Variants in SYTL2 observed in about 807,000 individuals in gnomAD.
The protein encoded by SYTL2 is synaptotagmin like 2.
A neutral mutation model predicts 198.7 loss-of-function variants in SYTL2; 165 were observed. The observed-to-expected ratio is 0.83, with a 90% CI of 0.73 to 0.94. The LOEUF (loss-of-function observed/expected upper bound fraction) is 0.94. Among genes scored for constraint, SYTL2 ranks in the 40% least tolerant of loss-of-function variants. The pLI, the probability that SYTL2 is intolerant of heterozygous loss-of-function variation, is 0.00. For synonymous variants in SYTL2, 966 were observed against 917.7 expected (o/e 1.05, Z -0.95); for missense variants, 2,835 against 2,582.8 (o/e 1.10, Z -2.12).
chr11:85,734,515 C>G lies in SYTL2; in HGVS notation c.814G>C (p.Gly272Arg), dbSNP rs1452117759. 1 of 1,614,202 alleles carries G rather than the reference C, an allele frequency of 6.2e-7. No individual in the cohort carries two copies. The highest frequency in any genetic ancestry group is 1.7e-5 in the Admixed American group (1 of 60,024). The change falls in exon 7 of 20, where the codon GGG becomes CGG. Residue 272 changes from glycine to arginine, a missense_variant. Physicochemically the swap from Gly to Arg is moderately radical, Grantham distance 125. This residue lies in a region of SYTL2 where 2,645 missense variants were observed against 2,381.7 expected (regional missense o/e 1.11). Coordinates refer to ENST00000359152, the MANE Select transcript of SYTL2 (RefSeq NM_206927.4). Reference protein sequence around the residue: ...DSLKARGAPRGILKRNSSSSS... With the variant: ...DSLKARGAPRRILKRNSSSSS... ...GAACTGGAGTTGCGCTTGAGGATCC[C>G]TCTCGGAGCCCCTCTCGCTTTCAGG...
At chr11:85,770,345 A>G (rs1205545667) in intron 1 of SYTL2, among the ~76,000 whole-genome samples, 1 of 152,132 alleles carries the variant, frequency 6.6e-6, no homozygotes, top group East Asian at 1.9e-4. Context: ...CCACTCATGT[A>G]GGCGGATGTA....
intron 18 of SYTL2, among the ~76,000 whole-genome samples, chr11:85,697,390 T>C (rs140373871): frequency 4.1e-4 from 63 of 152,286 alleles, no homozygotes; most frequent in African/African-American, 1.4e-3. Context: ...TCTGGTAGAC[T>C]ATATATAAAT....
Position 85,724,366 on chromosome 11 carries a change from G to C in SYTL2, c.4992C>G (p.Thr1664=), listed in dbSNP as rs1166191693. The change falls in exon 8 of 20, where the codon ACC becomes ACG. Residue 1664 remains threonine (T), a synonymous_variant. Coordinates refer to ENST00000359152, the MANE Select transcript of SYTL2 (RefSeq NM_206927.4). The part of the protein sequence containing the change: ...GSRSGVEIPR[T]PQLYVAHEIG... ...TTTCATGAGCCACATAAAGTTGTGG[G>C]GTTCTAGGGATCTCAACTCCACTTC... 3 of 1,586,224 alleles carry C rather than the reference G, an allele frequency of 1.9e-6. No individual in the cohort carries two copies. Among genetic ancestry groups the C allele is most frequent in the Non-Finnish European group, 2.6e-6 (3 of 1,169,138 alleles).
chr11:85,766,203 A>T (rs970489747), intron 1 of SYTL2, among the ~76,000 whole-genome samples: 3 of 152,198 alleles, frequency 2.0e-5, no homozygotes, highest in African/African-American at 7.2e-5. Context: ...AGAGGCCTAA[A>T]GTGTCAAGGG....
chr11:85,819,876 G>C, the SYTL2 span, among the ~76,000 whole-genome samples: 7 of 152,004 alleles, frequency 4.6e-5, no homozygotes. Flanking sequence ...TTATATTTTG[G>C]TGTTCACTCT....
the SYTL2 span, among the ~76,000 whole-genome samples, chr11:85,851,144 T>C: frequency 2.0e-5 from 3 of 151,852 alleles, no homozygotes; most frequent in Non-Finnish European, 4.4e-5. Context: ...ACCTGCACCA[T>C]GTGCACATGT....
chr11:85,849,017 T>C, the SYTL2 span, among the ~76,000 whole-genome samples: 45 of 152,106 alleles, frequency 3.0e-4, no homozygotes, highest in African/African-American at 9.9e-4. Flanking sequence ...AGTGAAAAAA[T>C]ATGACCCTTA....
rs189453034 is a variant in SYTL2 at position 85,790,031 on chromosome 11, T to C, written c.-390+20923A>G. On this transcript the variant is annotated intron_variant, in intron 1 of 19. Transcript: ENST00000359152. Reference sequence around the variant, plus strand: ...AATATTTGCATATATATAAGATATCTTGGGGATGAGACCCAAGACTAAACC... The same window carrying C: ...AATATTTGCATATATATAAGATATCCTGGGGATGAGACCCAAGACTAAACC... Among the ~76,000 whole-genome samples the C allele has an allele frequency of 1.4e-4, 21 of 152,292 alleles. No individual in the cohort carries two copies. In the East Asian group the frequency reaches 2.1e-3, roughly 15 times the overall value.
At chr11:85,759,359 T>A (rs781764003) in intron 1 of SYTL2, among the ~76,000 whole-genome samples, 49 of 152,138 alleles carry the variant, frequency 3.2e-4, no homozygotes, top group Non-Finnish European at 6.3e-4. Flanking sequence ...AAAAACAGAA[T>A]TACTGGGAAG....
intron 1 of SYTL2, among the ~76,000 whole-genome samples, chr11:85,769,910 T>C (rs1309648089): frequency 6.6e-6 from 1 of 152,148 alleles, no homozygotes; most frequent in Non-Finnish European, 1.5e-5. Context: ...GCAGTTTATG[T>C]AGCATTTTCA....
intron 10 of SYTL2, 89 bp from the exon 11 acceptor site, chr11:85,717,619 A>C: frequency 9.4e-7 from 1 of 1,067,228 alleles, no homozygotes; most frequent in Non-Finnish European, 1.5e-6. Context: ...TCAGTTTCAC[A>C]ACTGAGACAG....
At position 85,696,336 on chromosome 11, in the gene SYTL2, C is replaced by T. The variant is rs748732825; in HGVS notation, c.6421G>A (p.Gly2141Arg). 1 of 1,614,010 alleles carries T rather than the reference C, an allele frequency of 6.2e-7. No individual in the cohort carries two copies. The highest frequency in any genetic ancestry group is 8.5e-7 in the Non-Finnish European group (1 of 1,179,900). The stretch of plus-strand genomic sequence containing the variant: ...TTGAAGATAGGGTTGGTGGTTTTCC[C>T]TACAGCTCTTGTCTTCTGGCGACTT... ...RKSRQKTRAV[G>R]KTTNPIFNHT... The change falls in exon 19 of 20, where the codon GGG becomes AGG. Residue 2141 changes from glycine to arginine, a missense_variant. Physicochemically the swap from Gly to Arg is moderately radical, Grantham distance 125 (BLOSUM62 -2). This residue lies in a region of SYTL2 where 185 missense variants were observed against 182.1 expected (regional missense o/e 1.02). Transcript: ENST00000359152.
intron 15 of SYTL2, among the ~76,000 whole-genome samples, chr11:85,706,966 A>C (rs967294378): frequency 1.1e-4 from 16 of 152,016 alleles, no homozygotes; most frequent in Non-Finnish European, 1.9e-4. Context: ...TCAGCTTCCC[A>C]AGTAGCTGGG....
At position 85,727,029 on chromosome 11, in the gene SYTL2, C is replaced by A; in HGVS notation, c.2329G>T (p.Gly777Cys). Residue 777 changes from glycine (G) to cysteine (C), a missense_variant, in exon 8 of 20, where the codon GGT becomes TGT. Gly to Cys is a radical substitution (Grantham distance 159, BLOSUM62 -3). Around this residue, in one of 3 missense-constraint regions of SYTL2, gnomAD observed 2,645 missense variants for 2,381.7 expected, o/e 1.11. Transcript: ENST00000359152. ...TGCACTTGGTTCTTGGGAACCTCACCAGCTTCTTGCTGGAATTGGACCTCA... is the reference window on the plus strand; with the variant it reads ...TGCACTTGGTTCTTGGGAACCTCACAAGCTTCTTGCTGGAATTGGACCTCA... ...KPEVQFQQEAGEVPKNQVQRE... is the reference protein window; with the variant it reads ...KPEVQFQQEACEVPKNQVQRE... 6.5e-7 allele frequency: 1 copy of A among 1,536,446 alleles called. No individual in the cohort carries two copies. The highest frequency in any genetic ancestry group is 8.7e-7 in the Non-Finnish European group (1 of 1,146,962).
chr11:85,830,234 AGTGATGTTG>A, the SYTL2 span, among the ~76,000 whole-genome samples: 1 of 152,076 alleles, frequency 6.6e-6, no homozygotes, highest in Non-Finnish European at 1.5e-5. Context: ...ACTAATTTTA[AGTGATGTTG>A]ATGTTGCAGG....
intron 1 of SYTL2, among the ~76,000 whole-genome samples, chr11:85,775,142 C>T (rs1359245443): frequency 6.6e-6 from 1 of 152,192 alleles, no homozygotes; most frequent in Non-Finnish European, 1.5e-5. Context: ...AGAAACTAAA[C>T]ACTTTTCATA....
the SYTL2 span, among the ~76,000 whole-genome samples, chr11:85,823,217 C>T: frequency 6.6e-6 from 1 of 152,232 alleles, no homozygotes; most frequent in Non-Finnish European, 1.5e-5. Flanking sequence ...GTTTCTGACA[C>T]ATAGTAGGCA....
the SYTL2 span, among the ~76,000 whole-genome samples, chr11:85,817,401 AAT>A: frequency 6.6e-6 from 1 of 152,214 alleles, no homozygotes; most frequent in Non-Finnish European, 1.5e-5. Flanking sequence ...GTAAGTGTAA[AAT>A]ATATACACAC....
chr11:85,832,844 T>G, the SYTL2 span, among the ~76,000 whole-genome samples: 1 of 150,828 alleles, frequency 6.6e-6, no homozygotes, highest in South Asian at 2.1e-4. Context: ...AAAAAAATTT[T>G]AATTAGCTGG....
Sources: gnomAD v4.1 joint callset for allele counts (sites outside exome capture counted in the v4.1 genomes callset) on GRCh38, gnomAD v4.1.1 for gene constraint, gnomAD v4.1.1 regional missense constraint, MANE v1.5 for transcripts, NCBI Gene and HGNC (gene_info 2026-07-23, HGNC 2026-07-21) for gene names.